The following DNAJA2 variants were observed in gnomAD, a reference collection of about 807,000 sequenced individuals.
DNAJA2 encodes dnaJ homolog subfamily A member 2.
Under a neutral mutation model 49.3 loss-of-function variants are expected in DNAJA2, and 6 were observed. That is an observed-to-expected ratio of 0.12 (90% confidence interval 0.07 to 0.24). The LOEUF (loss-of-function observed/expected upper bound fraction) is 0.24. Ranked by LOEUF, DNAJA2 falls within the 10% of genes least tolerant of loss-of-function variation. The pLI is 1.00. For missense variants in DNAJA2, 347 were observed against 516.8 expected (o/e 0.67, Z 3.19); for synonymous variants, 160 against 172.7 (o/e 0.93, Z 0.58).
At position 46,956,962 on chromosome 16, in the gene DNAJA2, T is replaced by C; in HGVS notation, c.*67A>G. On this transcript the variant is annotated 3_prime_UTR_variant, in exon 9 of 9. Transcript: ENST00000317089. ...ATCTGGATTGATAAGACACTCCAGC[T>C]GGATTGCTGAGAACAAATCAGGCAA... is the stretch of plus-strand genomic sequence containing the variant. 1.3e-5 allele frequency: 20 copies of C among 1,568,440 alleles called. No individual in the cohort carries two copies. The highest frequency in any genetic ancestry group is 1.8e-5 in the Non-Finnish European group (20 of 1,138,806).
intron 2 of DNAJA2, 92 bp downstream of exon 2, chr16:46,971,804 G>A (rs1216766843): frequency 1.0e-5 from 12 of 1,180,792 alleles, no homozygotes; most frequent in Non-Finnish European, 1.5e-5. Context: ...GGGCATAGTT[G>A]GATTTTTTTC....
Position 46,971,960 on chromosome 16 carries a change from GA to G in DNAJA2, c.79-6del, listed in dbSNP as rs1962057579. The G allele has an allele frequency of 1.9e-6, 3 of 1,606,392 alleles. No individual in the cohort carries two copies. Among genetic ancestry groups the G allele is most frequent in the Non-Finnish European group, 2.6e-6 (3 of 1,173,838 alleles). On this transcript the variant is annotated splice_polypyrimidine_tract_variant and splice_region_variant and intron_variant, in intron 1 of 8. Coordinates refer to ENST00000317089, the MANE Select transcript of DNAJA2 (RefSeq NM_005880.4). ...CTTGGCTAACTTTCTGTATGCCTTT[GA>G]AAATGGATAAAAACAAAAAAGGTTA...
intron 2 of DNAJA2, 23 bp downstream of exon 2, chr16:46,971,873 T>A: frequency 9.4e-6 from 15 of 1,595,716 alleles, no homozygotes; most frequent in Non-Finnish European, 1.2e-5. Flanking sequence ...ACCCCCGGAA[T>A]AAAAAAGGTG....
rs757270298 is a variant in DNAJA2, at chr16:46,957,165, G to C, written c.1103C>G (p.Thr368Arg). 1.2e-6 allele frequency: 2 copies of C among 1,613,910 alleles called. No individual in the cohort carries two copies. The highest frequency in any genetic ancestry group is 2.2e-5 in the South Asian group (2 of 91,048). Residue 368 changes from threonine (T) to arginine (R), a missense_variant, in exon 9 of 9, where the codon ACA (threonine) becomes AGA (arginine). Transcript: ENST00000317089. The stretch of plus-strand genomic sequence containing the variant: ...AAATTCCTGAAGCTCTACCTCCTCT[G>C]TTTCTCCAATTATGTTAGGAACTTC... Reference protein sequence around the residue: ...RPEVPNIIGETEEVELQEFDS... With the variant: ...RPEVPNIIGEREEVELQEFDS...
intron 6 of DNAJA2, 115 bp downstream of exon 6, chr16:46,964,496 T>G: frequency 1.0e-6 from 1 of 979,792 alleles, no homozygotes; most frequent in South Asian, 1.7e-5. Context: ...TGCCCTTAAC[T>G]TCACCAGTGT....
At chr16:46,965,210 A>G (rs756482617) in intron 5 of DNAJA2, among the ~76,000 whole-genome samples, 9 of 152,174 alleles carry the variant, frequency 5.9e-5, no homozygotes, top group Non-Finnish European at 1.0e-4. Flanking sequence ...GCCATGTCTC[A>G]AAACAAAACA....
intron 6 of DNAJA2, among the ~76,000 whole-genome samples, chr16:46,963,769 T>TA (rs1313413775): frequency 3.3e-5 from 5 of 151,882 alleles, no homozygotes; most frequent in South Asian, 2.1e-4. Context: ...ATATTTTTTT[T>TA]AAAAAAAATC....
intron 3 of DNAJA2, among the ~76,000 whole-genome samples, chr16:46,970,855 ATGGAG>A (rs1962036384): frequency 6.6e-6 from 1 of 151,564 alleles, no homozygotes; most frequent in Non-Finnish European, 1.5e-5. Context: ...CATGACCAAC[ATGGAG>A]AAACCCCATC....
intron 6 of DNAJA2, among the ~76,000 whole-genome samples, chr16:46,960,533 C>T (rs997173044): frequency 6.6e-6 from 1 of 152,166 alleles, no homozygotes; most frequent in Non-Finnish European, 1.5e-5. Flanking sequence ...GTAATCCCAG[C>T]ACTTTGGGAG....
chr16:46,963,209 T>C (rs1457743600), intron 6 of DNAJA2, among the ~76,000 whole-genome samples: 1 of 152,182 alleles, frequency 6.6e-6, no homozygotes, highest in East Asian at 1.9e-4. Context: ...TGAGTAAATG[T>C]GATCAAGTAC....
At chr16:46,957,602 C>A (rs1961833875) in intron 8 of DNAJA2, among the ~76,000 whole-genome samples, 1 of 146,622 alleles carries the variant, frequency 6.8e-6, no homozygotes, top group African/African-American at 2.5e-5. Context: ...GACTCCATCT[C>A]AAAAAAAAAA....
chr16:46,964,111 C>T (rs1022773621), intron 6 of DNAJA2, among the ~76,000 whole-genome samples: 1 of 152,104 alleles, frequency 6.6e-6, no homozygotes, highest in Non-Finnish European at 1.5e-5. Flanking sequence ...CGGTGGCTCC[C>T]GCTTTTAATC....
Position 46,964,682 on chromosome 16 carries a change from C to T in DNAJA2, c.703G>A (p.Gly235Arg). 1 of 1,614,194 alleles carries T rather than the reference C, an allele frequency of 6.2e-7. No individual in the cohort carries two copies. The highest frequency in any genetic ancestry group is 8.5e-7 in the Non-Finnish European group (1 of 1,180,032). Reference sequence around the variant, plus strand: ...ACTCCTGGGGCCTGGTCTGCTTCCCCAGTGAATGTAATTCTCTGTCCATGT... The same window carrying T: ...ACTCCTGGGGCCTGGTCTGCTTCCCTAGTGAATGTAATTCTCTGTCCATGT... ...MKHGQRITFT[G>R]EADQAPGVEP... Residue 235 changes from glycine to arginine, a missense_variant, in exon 6 of 9, where the codon GGG becomes AGG. Gly to Arg is a moderately radical substitution (Grantham distance 125). Coordinates refer to ENST00000317089, the MANE Select transcript of DNAJA2 (RefSeq NM_005880.4).
intron 1 of DNAJA2, among the ~76,000 whole-genome samples, chr16:46,973,253 A>T (rs1172760358): frequency 6.6e-6 from 1 of 151,870 alleles, no homozygotes; most frequent in Admixed American, 6.6e-5. Context: ...GTGTTTGCGC[A>T]GGAGTGAGTT....
chr16:46,961,888 G>A (rs1961900799), intron 6 of DNAJA2, among the ~76,000 whole-genome samples: 1 of 151,784 alleles, frequency 6.6e-6, no homozygotes, highest in South Asian at 2.1e-4. Flanking sequence ...AACATCACCA[G>A]GTTCTGTGGT....
intron 3 of DNAJA2, among the ~76,000 whole-genome samples, chr16:46,970,827 T>C (rs1384031342): frequency 6.9e-6 from 1 of 143,940 alleles, no homozygotes; most frequent in Non-Finnish European, 1.5e-5. Context: ...TCACCTGAGG[T>C]TGGGAGTTCG....
intron 3 of DNAJA2, 58 bp downstream of exon 3, chr16:46,971,291 A>G (rs542294611): frequency 6.7e-7 from 1 of 1,485,822 alleles, no homozygotes; most frequent in Non-Finnish European, 9.3e-7. Flanking sequence ...CTACTGAGTC[A>G]TTATCCCACT....
chr16:46,959,345 C>T lies in DNAJA2; in HGVS notation c.849G>A (p.Gln283=), dbSNP rs200818972. ...GTCCATCAAGGTGCTTAAATGTGAACTGAAATCCACATAGAGCTTCAACAA... is the reference window on the plus strand; with the variant it reads ...GTCCATCAAGGTGCTTAAATGTGAATTGAAATCCACATAGAGCTTCAACAA... The part of the protein sequence containing the change: ...IGLVEALCGF[Q]FTFKHLDGRQ... Residue 283 remains glutamine (Q), a synonymous_variant, in exon 7 of 9, where the codon CAG becomes CAA. Transcript: ENST00000317089. 15 of 1,613,990 alleles carry T rather than the reference C, an allele frequency of 9.3e-6. No individual in the cohort carries two copies. In the East Asian group the frequency reaches 1.3e-4, roughly 14 times the overall value.
At chr16:46,959,197 T>C (rs1961860520) in intron 7 of DNAJA2, 67 bp from the exon 8 acceptor site, 4 of 1,582,212 alleles carry the variant, frequency 2.5e-6, no homozygotes, top group East Asian at 4.5e-5. Flanking sequence ...TTTAGAGTTA[T>C]GCAGTATAAA....
Sources: allele counts gnomAD v4.1 joint callset (sites outside exome capture counted in the v4.1 genomes callset), GRCh38; gene constraint gnomAD v4.1.1; transcripts MANE v1.5; gene names NCBI Gene and HGNC (gene_info 2026-07-23, HGNC 2026-07-21).